The following CDK19 variants were observed in gnomAD, a reference collection of about 807,000 sequenced individuals.
CDK19 encodes the protein cyclin-dependent kinase 19.
A neutral mutation model predicts 68.3 loss-of-function variants in CDK19; 20 were observed. The observed-to-expected ratio is 0.29, with a 90% CI of 0.21 to 0.43. The LOEUF is 0.43. CDK19 is among the 20% of genes least tolerant of loss of function. The pLI, the probability that CDK19 is intolerant of heterozygous loss-of-function variation, is 1.00. For synonymous variants in CDK19, 221 were observed against 222.8 expected (o/e 0.99, Z 0.07); for missense variants, 339 against 623.5 (o/e 0.54, Z 4.86).
At chr6:110,663,477 T>C (rs934634010) in intron 4 of CDK19, among the ~76,000 whole-genome samples, 2 of 152,166 alleles carry the variant, frequency 1.3e-5, no homozygotes, top group Non-Finnish European at 2.9e-5. Flanking sequence ...GACTCAAGAT[T>C]AGTGAATCAA....
chr6:110,731,856 A>G lies in CDK19; in HGVS notation c.204+14270T>C, dbSNP rs1423575739. Reference sequence around the variant, plus strand: ...ATAGACTATGAATGGCAAATCATGTATCTCTTCATAAAGACAAATGAGAAG... The same window carrying G: ...ATAGACTATGAATGGCAAATCATGTGTCTCTTCATAAAGACAAATGAGAAG... On this transcript the variant is annotated intron_variant, in intron 2 of 12. Transcript: ENST00000368911. Among the ~76,000 whole-genome samples the G allele has an allele frequency of 2.0e-5, 3 of 152,224 alleles. No homozygotes were observed. In the East Asian group the frequency reaches 5.8e-4, roughly 29 times the overall value.
At chr6:110,719,846 TCA>T (rs1303461942) in intron 2 of CDK19, among the ~76,000 whole-genome samples, 1 of 152,078 alleles carries the variant, frequency 6.6e-6, no homozygotes, top group East Asian at 1.9e-4. Flanking sequence ...TTCTCCTGCC[TCA>T]GACTCCTGAG....
Position 110,704,795 on chromosome 6 carries a change from A to G in CDK19, c.205-34254T>C, listed in dbSNP as rs528577901. Among the ~76,000 whole-genome samples the G allele has an allele frequency of 5.9e-5, 9 of 152,240 alleles. No individual in the cohort carries two copies. In the East Asian group the frequency reaches 1.5e-3, roughly 26 times the overall value. ...ACGTGCCCCAGGACTGTGGGATCAT[A>G]GGCCAAGGCTAATTCTGGAAGCAAT... On this transcript the variant is annotated intron_variant, in intron 2 of 12. Transcript: ENST00000368911.
intron 5 of CDK19, among the ~76,000 whole-genome samples, chr6:110,635,426 T>C (rs1413197385): frequency 6.6e-6 from 1 of 152,156 alleles, no homozygotes; most frequent in African/African-American, 2.4e-5. Flanking sequence ...AGGAAGGCAA[T>C]AAGCATTTTA....
At chr6:110,633,045 C>T (rs1267399176) in intron 5 of CDK19, among the ~76,000 whole-genome samples, 1 of 151,200 alleles carries the variant, frequency 6.6e-6, no homozygotes, top group African/African-American at 2.4e-5. Context: ...ATGGTGAAAC[C>T]CAGTCTCTAC....
intron 2 of CDK19, among the ~76,000 whole-genome samples, chr6:110,719,802 C>G (rs1170425684): frequency 6.6e-6 from 1 of 152,118 alleles, no homozygotes; most frequent in Non-Finnish European, 1.5e-5. Context: ...GCAATCTGGG[C>G]TCACTGCAAC....
At chr6:110,620,224 G>A (rs186847501) in intron 12 of CDK19, among the ~76,000 whole-genome samples, 31 of 152,214 alleles carry the variant, frequency 2.0e-4, no homozygotes, top group African/African-American at 7.5e-4. Context: ...AGTTTATGCA[G>A]CTATTTGTTA....
chr6:110,641,286 C>T (rs1362846942), intron 4 of CDK19, among the ~76,000 whole-genome samples: 1 of 152,010 alleles, frequency 6.6e-6, no homozygotes, highest in Non-Finnish European at 1.5e-5. Context: ...GAGGAAAAGA[C>T]AGACAGCTTT....
At chr6:110,684,960 G>A (rs992898880) in intron 2 of CDK19, among the ~76,000 whole-genome samples, 4 of 152,028 alleles carry the variant, frequency 2.6e-5, no homozygotes, top group East Asian at 1.9e-4. Context: ...CCAACATGGC[G>A]AAACCCCATC....
At chr6:110,694,151 A>C (rs1245054432) in intron 2 of CDK19, among the ~76,000 whole-genome samples, 12 of 152,136 alleles carry the variant, frequency 7.9e-5, no homozygotes, top group African/African-American at 2.4e-4. Flanking sequence ...CTCCATACTA[A>C]TGTTGAATGT....
At chr6:110,717,278 C>T (rs189073055) in intron 2 of CDK19, among the ~76,000 whole-genome samples, 3 of 151,760 alleles carry the variant, frequency 2.0e-5, no homozygotes, top group Non-Finnish European at 4.4e-5. Flanking sequence ...TATACTTGGG[C>T]CCCTGTATAT....
chr6:110,677,082 A>C (rs2114489875), intron 2 of CDK19, among the ~76,000 whole-genome samples: 1 of 152,348 alleles, frequency 6.6e-6, no homozygotes, highest in African/African-American at 2.4e-5. Context: ...CGACTGAGGC[A>C]AAGAAATAGC....
At chr6:110,737,321 G>A (rs368634554) in intron 2 of CDK19, among the ~76,000 whole-genome samples, 3 of 152,172 alleles carry the variant, frequency 2.0e-5, no homozygotes. Context: ...TAACACAAAA[G>A]TGAGAAGGAA....
intron 1 of CDK19, among the ~76,000 whole-genome samples, chr6:110,777,103 A>C (rs1247992506): frequency 6.6e-6 from 1 of 152,238 alleles, no homozygotes; most frequent in Non-Finnish European, 1.5e-5. Context: ...GTCAGAAGCC[A>C]AACAATTATA....
chr6:110,813,853 T>G (rs1212096151), intron 1 of CDK19: 1 of 152,230 alleles, frequency 6.6e-6, no homozygotes, highest in Admixed American at 6.5e-5. Context: ...TTGTGGCTGA[T>G]CATCACTTTA....
intron 5 of CDK19, among the ~76,000 whole-genome samples, chr6:110,637,920 T>G (rs1036136036): frequency 6.6e-6 from 1 of 152,096 alleles, no homozygotes; most frequent in African/African-American, 2.4e-5. Flanking sequence ...GAGGCGGAGG[T>G]TGCAGTGAGC....
At chr6:110,634,363 C>T (rs9481091) in intron 5 of CDK19, among the ~76,000 whole-genome samples, 6,799 of 151,998 alleles carry the variant, frequency 0.045, 198 homozygotes, top group South Asian at 0.083. Flanking sequence ...ATTACAGGTG[C>T]GCCACCACCA....
chr6:110,699,992 T>A (rs781095273), intron 2 of CDK19, among the ~76,000 whole-genome samples: 1 of 152,166 alleles, frequency 6.6e-6, no homozygotes, highest in African/African-American at 2.4e-5. Context: ...CGAAGCTTCA[T>A]CTGTATTTAC....
chr6:110,669,994 C>T (rs1222715264), intron 3 of CDK19, among the ~76,000 whole-genome samples: 5 of 151,512 alleles, frequency 3.3e-5, no homozygotes, highest in Non-Finnish European at 7.4e-5. Context: ...CCCGTCTCTA[C>T]TAAAAATACA....
Sources: allele counts gnomAD v4.1 joint callset (sites outside exome capture counted in the v4.1 genomes callset), GRCh38; gene constraint gnomAD v4.1.1; transcripts MANE v1.5; gene names NCBI Gene and HGNC (gene_info 2026-07-23, HGNC 2026-07-21).